NFU1: variants seen among roughly 807,000 people sequenced by gnomAD.
NFU1 encodes the protein NFU1 iron-sulfur cluster scaffold homolog, mitochondrial.
A neutral mutation model predicts 32.2 loss-of-function variants in NFU1; 30 were observed. The observed-to-expected ratio is 0.93, with a 90% CI of 0.70 to 1.26. The LOEUF (loss-of-function observed/expected upper bound fraction) is 1.26, where lower values mean the gene tolerates loss of function less well. Ranked by LOEUF, NFU1 falls within the 50% of genes most tolerant of loss-of-function variation. The pLI, the probability that NFU1 is intolerant of heterozygous loss-of-function variation, is 0.00. For synonymous variants in NFU1, 112 were observed against 104.6 expected (o/e 1.07, Z -0.43); for missense variants, 306 against 306.6 (o/e 1.00, Z 0.02).
intron 5 of NFU1, among the ~76,000 whole-genome samples, chr2:69,408,540 T>C (rs1424430681): frequency 6.6e-6 from 1 of 151,712 alleles, no homozygotes; most frequent in Non-Finnish European, 1.5e-5. Context: ...GCCAACATGG[T>C]GAAATCCCGT....
chr2:69,405,756 A>G (rs573308583), intron 6 of NFU1, among the ~76,000 whole-genome samples: 5 of 152,132 alleles, frequency 3.3e-5, no homozygotes, highest in Non-Finnish European at 7.3e-5. Context: ...ATTTGGTATT[A>G]TAACAATATC....
intron 5 of NFU1, among the ~76,000 whole-genome samples, chr2:69,408,773 C>A (rs1461011293): frequency 7.2e-6 from 1 of 139,242 alleles, no homozygotes; most frequent in Admixed American, 7.2e-5. Flanking sequence ...TATATATACA[C>A]ACACACATAC....
chr2:69,399,461 AAACT>A (rs1255719146), intron 7 of NFU1: 5 of 427,298 alleles, frequency 1.2e-5, no homozygotes, highest in Non-Finnish European at 2.3e-5. Context: ...GTATAACAAC[AAACT>A]ATGATTTCTT....
At chr2:69,431,006 C>G (rs765228763) in intron 2 of NFU1, among the ~76,000 whole-genome samples, 2 of 152,174 alleles carry the variant, frequency 1.3e-5, no homozygotes, top group Non-Finnish European at 2.9e-5. Context: ...TTAAACTTCC[C>G]TAACTCTACA....
chr2:69,417,277 G>A (rs1331584832), intron 4 of NFU1, among the ~76,000 whole-genome samples: 3 of 152,092 alleles, frequency 2.0e-5, no homozygotes, highest in Non-Finnish European at 4.4e-5. Flanking sequence ...AAGACATTCA[G>A]TAAAATGTGA....
intron 2 of NFU1, among the ~76,000 whole-genome samples, chr2:69,423,956 C>A (rs541311271): frequency 2.0e-5 from 3 of 151,446 alleles, no homozygotes; most frequent in Non-Finnish European, 4.4e-5. Flanking sequence ...GGGTGGATTA[C>A]GAGGTCAGGA....
chr2:69,431,102 A>C (rs909715712), intron 2 of NFU1, among the ~76,000 whole-genome samples: 1 of 152,200 alleles, frequency 6.6e-6, no homozygotes, highest in Non-Finnish European at 1.5e-5. Context: ...GTTAACAATC[A>C]AGATTATTAA....
chr2:69,422,331 A>G (rs1479650955), intron 3 of NFU1, among the ~76,000 whole-genome samples: 1 of 152,224 alleles, frequency 6.6e-6, no homozygotes, highest in Non-Finnish European at 1.5e-5. Context: ...ATATTTTTAG[A>G]CTATGGCTGA....
At chr2:69,431,348 C>T (rs1174148181) in intron 2 of NFU1, among the ~76,000 whole-genome samples, 1 of 152,160 alleles carries the variant, frequency 6.6e-6, no homozygotes, top group East Asian at 1.9e-4. Flanking sequence ...CTTTGTCACC[C>T]AGGCTGGAGC....
At chr2:69,435,909 C>T (rs532794497) in intron 1 of NFU1, among the ~76,000 whole-genome samples, 12 of 150,676 alleles carry the variant, frequency 8.0e-5, no homozygotes, top group Admixed American at 1.3e-4. Flanking sequence ...CACACCACCA[C>T]GCCCAGCTTT....
At chr2:69,423,943 G>A (rs954674769) in intron 2 of NFU1, among the ~76,000 whole-genome samples, 4 of 151,802 alleles carry the variant, frequency 2.6e-5, no homozygotes, top group Non-Finnish European at 5.9e-5. Context: ...GGGAGGCCGA[G>A]GCGGGTGGAT....
intron 5 of NFU1, among the ~76,000 whole-genome samples, chr2:69,412,095 G>T (rs1362917460): frequency 2.0e-5 from 3 of 152,008 alleles, no homozygotes; most frequent in Non-Finnish European, 1.5e-5. Context: ...TCTGTCACTA[G>T]GCTGGAGTGC....
intron 7 of NFU1, chr2:69,399,300 C>G: frequency 2.3e-6 from 1 of 425,656 alleles, no homozygotes; most frequent in Non-Finnish European, 4.6e-6. Flanking sequence ...TTGATAATCT[C>G]TCTCCATAAG....
At chr2:69,416,739 T>C (rs986178879) in intron 4 of NFU1, among the ~76,000 whole-genome samples, 3 of 151,774 alleles carry the variant, frequency 2.0e-5, no homozygotes, top group Non-Finnish European at 4.4e-5. Flanking sequence ...TCTCTACTAA[T>C]AATACAAAAA....
At chr2:69,431,808 A>C in intron 2 of NFU1, 94 bp downstream of exon 2, 2 of 820,700 alleles carry the variant, frequency 2.4e-6, no homozygotes, top group South Asian at 2.9e-5. Context: ...TAAATAGAAA[A>C]TATACAAATT....
chr2:69,402,097 G>T (rs1296920811), intron 6 of NFU1, among the ~76,000 whole-genome samples: 2 of 152,074 alleles, frequency 1.3e-5, no homozygotes, highest in Non-Finnish European at 2.9e-5. Context: ...GTTTCACCAT[G>T]TTGGCCAAGC....
At chr2:69,416,349 TATA>T (rs1172686484) in intron 4 of NFU1, 1 of 141,634 alleles carries the variant, frequency 7.1e-6, no homozygotes, top group Non-Finnish European at 1.5e-5. Context: ...TTAATTTAAA[TATA>T]ATTATTAATA....
chr2:69,436,483 G>GA (rs1451651616), intron 1 of NFU1, among the ~76,000 whole-genome samples: 1 of 152,164 alleles, frequency 6.6e-6, no homozygotes, highest in East Asian at 1.9e-4. Flanking sequence ...GAATAAAGAG[G>GA]AAGCACATTC....
At chr2:69,416,752 A>G (rs901831277) in intron 4 of NFU1, among the ~76,000 whole-genome samples, 2 of 152,082 alleles carry the variant, frequency 1.3e-5, no homozygotes, top group Non-Finnish European at 2.9e-5. Context: ...TACAAAAATT[A>G]GCCGGCGTGG....
Sources: gnomAD v4.1 joint callset for allele counts (sites outside exome capture counted in the v4.1 genomes callset) on GRCh38, gnomAD v4.1.1 for gene constraint, MANE v1.5 for transcripts, NCBI Gene and HGNC (gene_info 2026-07-23, HGNC 2026-07-21) for gene names.